JPH3: variants seen among roughly 807,000 people sequenced by gnomAD.
The protein encoded by JPH3 is junctophilin 3, also known as junctophilin-3.
JPH3 carries 11 observed loss-of-function variants against 59.6 expected under a neutral mutation model. That is an observed-to-expected ratio of 0.18 (90% CI 0.12 to 0.31). The LOEUF is 0.31. Ranked by LOEUF, JPH3 falls within the 10% of genes least tolerant of loss-of-function variation. The probability of loss-of-function intolerance (pLI) is 1.00; values close to 1 mark genes in which losing one functional copy is unlikely to be tolerated. For missense variants in JPH3, 1,202 were observed against 1,105.7 expected (o/e 1.09, Z -1.24); for synonymous variants, 673 against 483.6 (o/e 1.39, Z -5.14).
intron 2 of JPH3, among the ~76,000 whole-genome samples, chr16:87,655,874 G>C (rs370865320): frequency 1.3e-5 from 2 of 152,302 alleles, no homozygotes; most frequent in South Asian, 4.1e-4. Context: ...TGTGAGCCTG[G>C]CCCTGAGTCC....
intron 4 of JPH3, chr16:87,696,197 C>G (rs1054609468): frequency 6.6e-6 from 3 of 451,822 alleles, no homozygotes; most frequent in Non-Finnish European, 1.3e-5. Flanking sequence ...GGTCCCAGTT[C>G]CACAGGGCAG....
Position 87,611,156 on chromosome 16 carries a change from T to TG in JPH3, c.382+7629dup, listed in dbSNP as rs1417870677. On this transcript the variant is annotated intron_variant, in intron 1 of 4. Coordinates refer to ENST00000284262, the MANE Select transcript of JPH3 (RefSeq NM_020655.4). The surrounding 1 kb of genome is among the most constrained non-coding windows in gnomAD (Gnocchi z 4.5). ...AAAAATGAAAATGCAAGAAATAGGA[T>TG]GTCCTATGTTCTACCAGGAAGAATA... 6.6e-6 allele frequency among the ~76,000 whole-genome samples: 1 copy of TG among 152,188 alleles called. No individual in the cohort carries two copies. Among genetic ancestry groups the TG allele is most frequent in the African/African-American group, 2.4e-5 (1 of 41,454 alleles).
At chr16:87,636,644 C>G (rs55701221) in intron 1 of JPH3, among the ~76,000 whole-genome samples, 2,986 of 152,302 alleles carry the variant, frequency 0.02, 108 homozygotes, top group African/African-American at 0.068. Flanking sequence ...CGTGTGCTTT[C>G]GTGTAGCCAA....
In JPH3 at chr16:87,641,706, C is replaced by T. The variant is rs7499776; in HGVS notation, c.383-2552C>T. Among the ~76,000 whole-genome samples, 869 of 152,368 alleles carry T rather than the reference C, an allele frequency of 5.7e-3. 4 individuals are homozygous for T. Among genetic ancestry groups the T allele is most frequent in the African/African-American group, 0.02 (839 of 41,586 alleles). Reference sequence around the variant, plus strand: ...GGCTGCAGCGTGTGGCAGGTGCCACCATCTCTTGGAGTGAGGCAGCCTCAG... The same window carrying T: ...GGCTGCAGCGTGTGGCAGGTGCCACTATCTCTTGGAGTGAGGCAGCCTCAG... On this transcript the variant is annotated intron_variant, in intron 1 of 4. Coordinates refer to ENST00000284262, the MANE Select transcript of JPH3 (RefSeq NM_020655.4).
intron 2 of JPH3, among the ~76,000 whole-genome samples, chr16:87,650,490 CT>C (rs1273052556): frequency 4.6e-5 from 7 of 152,192 alleles, no homozygotes; most frequent in Admixed American, 2.6e-4. Context: ...TCTCACATCT[CT>C]CACTTTAAAT....
At chr16:87,613,159 C>T (rs1472834347) in intron 1 of JPH3, among the ~76,000 whole-genome samples, 10 of 142,924 alleles carry the variant, frequency 7.0e-5, no homozygotes, top group South Asian at 2.3e-4. Flanking sequence ...TGCAGTGGCG[C>T]GATCTCGGCT....
At position 87,670,977 on chromosome 16, in the gene JPH3, C is replaced by T. The variant is rs1464162693; in HGVS notation, c.1161-13165C>T. 7.9e-5 allele frequency among the ~76,000 whole-genome samples: 12 copies of T among 152,284 alleles called. No individual in the cohort carries two copies. The South Asian group carries it at 1.7e-3, about 21-fold the overall frequency. ...TGAATCAGTGTGGTGTGACCCCTCC[C>T]GCCAAGGTGAGGGTAGCAAGGTGCC... On this transcript the variant is annotated intron_variant, in intron 2 of 4. Transcript: ENST00000284262.
At chr16:87,629,113 C>T (rs1043859159) in intron 1 of JPH3, among the ~76,000 whole-genome samples, 4 of 152,094 alleles carry the variant, frequency 2.6e-5, no homozygotes, top group African/African-American at 9.7e-5. Flanking sequence ...TGGCCTTGGG[C>T]AAGTGACTCA....
intron 3 of JPH3, 95 bp from the exon 4 acceptor site, chr16:87,689,551 T>C (rs1417278854): frequency 8.9e-6 from 12 of 1,351,676 alleles, no homozygotes; most frequent in African/African-American, 1.4e-5. Flanking sequence ...TCTGCTGCCC[T>C]GAGGTTCCCT....
At chr16:87,659,382 A>C (rs1567603492) in intron 2 of JPH3, among the ~76,000 whole-genome samples, 18 of 131,646 alleles carry the variant, frequency 1.4e-4, no homozygotes, top group African/African-American at 4.9e-4. Flanking sequence ...CTCAAAAAAA[A>C]AAAAGAAAAA....
chr16:87,629,580 G>A (rs904419078), intron 1 of JPH3, among the ~76,000 whole-genome samples: 6 of 151,460 alleles, frequency 4.0e-5, no homozygotes, highest in Non-Finnish European at 7.4e-5. Context: ...AGCGGGATAA[G>A]CCCGTGTGAA....
chr16:87,614,243 CTA>C, intron 1 of JPH3, among the ~76,000 whole-genome samples: 1 of 131,654 alleles, frequency 7.6e-6, no homozygotes, highest in Admixed American at 7.3e-5. Context: ...CACACAGGAG[CTA>C]CACGTCCCCT....
chr16:87,689,259 G>T (rs1053336219), intron 3 of JPH3, among the ~76,000 whole-genome samples: 1 of 152,170 alleles, frequency 6.6e-6, no homozygotes, highest in African/African-American at 2.4e-5. Context: ...CCCCAGACAG[G>T]TGGTCAGCTA....
intron 1 of JPH3, among the ~76,000 whole-genome samples, chr16:87,641,799 A>G (rs2031962463): frequency 6.6e-6 from 1 of 152,260 alleles, no homozygotes; most frequent in Non-Finnish European, 1.5e-5. Context: ...TGGCTGGGCC[A>G]TATGCCACAT....
intron 1 of JPH3, among the ~76,000 whole-genome samples, chr16:87,620,457 A>AGAGAGAGGGAGAGGAGAG (rs2031135977): frequency 1.1e-5 from 1 of 94,794 alleles, no homozygotes; most frequent in Non-Finnish European, 2.1e-5. Flanking sequence ...AGAGAGAAGG[A>AGAGAGAGGGAGAGGAGAG]GAGAGAGGGA....
intron 2 of JPH3, among the ~76,000 whole-genome samples, chr16:87,671,295 G>C (rs1444223154): frequency 1.3e-5 from 2 of 152,274 alleles, no homozygotes; most frequent in Middle Eastern, 3.4e-3. Flanking sequence ...GTGGCGACTG[G>C]GTTGTGCTGA....
intron 1 of JPH3, among the ~76,000 whole-genome samples, chr16:87,627,815 AGAGGGGCCAGTCCTGCCCC>A (rs1567587997): frequency 6.6e-6 from 1 of 152,140 alleles, no homozygotes; most frequent in African/African-American, 2.4e-5. Context: ...TTCTCCTTGG[AGAGGGGCCAGTCCTGCCCC>A]GAGGTGCCAT....
At chr16:87,633,024 C>T (rs922640140) in intron 1 of JPH3, among the ~76,000 whole-genome samples, 3 of 152,162 alleles carry the variant, frequency 2.0e-5, no homozygotes, top group East Asian at 1.9e-4. Flanking sequence ...TGAGCCTCCA[C>T]GCTTCTCCTG....
At chr16:87,604,544 G>T in intron 1 of JPH3, 1 of 1,257,560 alleles carries the variant, frequency 8.0e-7, no homozygotes. Context: ...CGGGCGGCTC[G>T]CCTGTTTCAG....
Sources: gnomAD v4.1 joint callset for allele counts (sites outside exome capture counted in the v4.1 genomes callset) on GRCh38, gnomAD v4.1.1 for gene constraint, Gnocchi (gnomAD v3.1) non-coding constraint, MANE v1.5 for transcripts, NCBI Gene and HGNC (gene_info 2026-07-23, HGNC 2026-07-21) for gene names.